The following EXD3 variants were observed in gnomAD, a reference collection of about 807,000 sequenced individuals.
EXD3 encodes the protein exonuclease mut-7 homolog.
EXD3 carries 92 observed loss-of-function variants against 98.0 expected under a neutral mutation model. The observed-to-expected ratio is 0.94, with a 90% CI of 0.79 to 1.12. The LOEUF is 1.12. Ranked by LOEUF, EXD3 falls within the 50% of genes most tolerant of loss-of-function variation. The pLI is 0.00. For missense variants in EXD3, 1,222 were observed against 1,191.6 expected, an observed-to-expected ratio of 1.03 and a Z score of -0.38; for synonymous variants, 569 against 526.0, an observed-to-expected ratio of 1.08 and a Z score of -1.12.
At position 137,348,117 on chromosome 9, in the gene EXD3, T is replaced by A; in HGVS notation, c.1952A>T (p.Asp651Val). Residue 651 changes from aspartate (D) to valine (V), a missense_variant, in exon 17 of 22, where the codon GAT becomes GTT. Transcript: ENST00000340951. The stretch of plus-strand genomic sequence containing the variant: ...TTCACCATTGCCCAGCATGCGTGCA[T>A]CCACACCGAGACAGCGGAGGCTCCG... Reference protein sequence around the residue: ...LARSLRCLGVDARMLGNGEDH... With the variant: ...LARSLRCLGVVARMLGNGEDH... 6.2e-7 allele frequency: 1 copy of A among 1,611,936 alleles called. No homozygotes were observed. The highest frequency in any genetic ancestry group is 8.5e-7 in the Non-Finnish European group (1 of 1,179,658).
intron 5 of EXD3, among the ~76,000 whole-genome samples, chr9:137,369,385 C>T (rs959783349): frequency 6.6e-6 from 1 of 152,190 alleles, no homozygotes; most frequent in African/African-American, 2.4e-5. Flanking sequence ...GGGTGCAGGG[C>T]CGGACACCTC....
intron 1 of EXD3, among the ~76,000 whole-genome samples, chr9:137,420,177 A>ACCCCAG (rs1564227709): frequency 6.6e-6 from 1 of 151,926 alleles, no homozygotes; most frequent in Non-Finnish European, 1.5e-5. Context: ...AACAAAAAAA[A>ACCCCAG]CCCCAGCAAA....
intron 7 of EXD3, among the ~76,000 whole-genome samples, chr9:137,364,838 G>A (rs190217945): frequency 7.1e-6 from 1 of 141,242 alleles, no homozygotes; most frequent in East Asian, 2.1e-4. Context: ...GTACTATCTC[G>A]GCTCACTGCA....
In EXD3 at chr9:137,420,962, G is replaced by A. The variant is rs1838487694; in HGVS notation, c.-48+2152C>T. ...CCTGAGTAGCTGGGACTACAGGTGA[G>A]CACCACTATGCCCAGGTAATTTTTA... On this transcript the variant is annotated intron_variant, in intron 1 of 21. Transcript: ENST00000340951. Among the ~76,000 whole-genome samples the A allele has an allele frequency of 2.0e-5, 3 of 152,170 alleles. No individual in the cohort carries two copies. The South Asian group carries it at 6.2e-4, about 32-fold the overall frequency.
chr9:137,344,664 G>A (rs1337703781), intron 17 of EXD3, among the ~76,000 whole-genome samples: 2 of 152,244 alleles, frequency 1.3e-5, no homozygotes, highest in Non-Finnish European at 2.9e-5. Flanking sequence ...TGGACAGGAT[G>A]AGAGTTTCCC....
chr9:137,395,240 G>A lies in EXD3; in HGVS notation c.55+63C>T. 7.2e-7 allele frequency: 1 copy of A among 1,382,076 alleles called. No homozygotes were observed. The highest frequency in any genetic ancestry group is 1.0e-6 in the Non-Finnish European group (1 of 971,262). 85.6% of individuals were successfully genotyped at this position (1,382,076 alleles called of 1,614,324 possible). A position where few individuals can be genotyped will look rare whatever the true frequency, so the allele number is the denominator to read the frequency against. ...CACAGTGGGCGCCACCACCCCCCATGCACACCCACGCACCTCCCCCCACAG... is the reference window on the plus strand; with the variant it reads ...CACAGTGGGCGCCACCACCCCCCATACACACCCACGCACCTCCCCCCACAG... On this transcript the variant is annotated intron_variant, in intron 2 of 21. Transcript: ENST00000340951. This position sits in a 1 kb window ranked among gnomAD's most constrained non-coding sequence, Gnocchi z 6.5.
At chr9:137,323,647 G>A (rs1293623444) in intron 19 of EXD3, 78 bp downstream of exon 19, 1 of 1,558,976 alleles carries the variant, frequency 6.4e-7, no homozygotes, top group Non-Finnish European at 8.7e-7. Context: ...TGTCTAGGGT[G>A]GGGCCCACCT....
intron 3 of EXD3, among the ~76,000 whole-genome samples, chr9:137,382,149 CGGGGAGGAG>C (rs1836337464): frequency 8.1e-4 from 54 of 66,846 alleles, no homozygotes; most frequent in African/African-American, 1.6e-3. Flanking sequence ...GGTGAGGGCG[CGGGGAGGAG>C]GTGGGAGCAT....
chr9:137,374,707 C>A, intron 3 of EXD3: 1 of 985,510 alleles, frequency 1.0e-6, no homozygotes, highest in Non-Finnish European at 1.2e-6. Context: ...CCAAAGGATG[C>A]CCCTCGGGGA....
chr9:137,346,390 G>A (rs2119202029), intron 17 of EXD3, among the ~76,000 whole-genome samples: 1 of 151,892 alleles, frequency 6.6e-6, no homozygotes. Flanking sequence ...CCCTCTCCAT[G>A]AAGAATAAAT....
At chr9:137,412,812 C>T (rs1838060251) in intron 1 of EXD3, among the ~76,000 whole-genome samples, 1 of 152,232 alleles carries the variant, frequency 6.6e-6, no homozygotes, top group Non-Finnish European at 1.5e-5. Context: ...CAGGGTCTCA[C>T]TGTCGCCCAG....
chr9:137,315,689 G>GA (rs1421906773), intron 19 of EXD3, among the ~76,000 whole-genome samples: 2 of 152,056 alleles, frequency 1.3e-5, no homozygotes, highest in Non-Finnish European at 2.9e-5. Flanking sequence ...TTTTTTATAT[G>GA]AAAAAATGAC....
intron 7 of EXD3, among the ~76,000 whole-genome samples, chr9:137,363,864 T>G (rs917363586): frequency 1.3e-4 from 20 of 152,176 alleles, no homozygotes; most frequent in Admixed American, 6.5e-4. Context: ...TTGCATTAAG[T>G]TGCAAACAAT....
rs562545117 is a variant in EXD3 at position 137,395,477 on chromosome 9, C to T, written c.-47-73G>A. On this transcript the variant is annotated intron_variant, in intron 1 of 21. Transcript: ENST00000340951. This position sits in a 1 kb window ranked among gnomAD's most constrained non-coding sequence, Gnocchi z 6.5. ...AGCCATGCAGAGCCCACGCCCACAG[C>T]CCCTGGAGGTGGTGGAGGGAGCTGG... 46 of 1,437,730 alleles carry T rather than the reference C, an allele frequency of 3.2e-5. No individual in the cohort carries two copies. Among genetic ancestry groups the T allele is most frequent in the Admixed American group, 5.9e-5 (3 of 51,270 alleles). 89.1% of individuals were successfully genotyped at this position (1,437,730 alleles called of 1,614,324 possible).
At chr9:137,382,261 C>A (rs555333281) in intron 3 of EXD3, among the ~76,000 whole-genome samples, 1 of 151,758 alleles carries the variant, frequency 6.6e-6, no homozygotes, top group African/African-American at 2.4e-5. Flanking sequence ...TGGCTGTCAG[C>A]GGAGCCCGGA....
chr9:137,375,299 G>A (rs997385750), intron 3 of EXD3, among the ~76,000 whole-genome samples: 4 of 151,970 alleles, frequency 2.6e-5, no homozygotes, highest in East Asian at 2.0e-4. Context: ...GAGCCACCGC[G>A]CCCGGCCCTA....
chr9:137,329,259 C>T (rs1217625764), intron 17 of EXD3, among the ~76,000 whole-genome samples: 1 of 16,968 alleles, frequency 5.9e-5, no homozygotes, highest in Admixed American at 6.2e-4. Context: ...CTACACGGGG[C>T]TACACGGGGC....
chr9:137,314,887 C>T (rs961618829), intron 19 of EXD3, among the ~76,000 whole-genome samples: 7 of 152,194 alleles, frequency 4.6e-5, no homozygotes, highest in African/African-American at 1.7e-4. Flanking sequence ...GGCACACGTG[C>T]GCAACAGCCA....
intron 1 of EXD3, among the ~76,000 whole-genome samples, chr9:137,409,612 G>A (rs1270900154): frequency 6.6e-6 from 1 of 150,992 alleles, no homozygotes; most frequent in Non-Finnish European, 1.5e-5. Context: ...AGGGAGCTGT[G>A]TCTACAAAGC....
Sources: allele counts gnomAD v4.1 joint callset (sites outside exome capture counted in the v4.1 genomes callset), GRCh38; gene constraint gnomAD v4.1.1; non-coding constraint Gnocchi (gnomAD v3.1); transcripts MANE v1.5; gene names NCBI Gene and HGNC (gene_info 2026-07-23, HGNC 2026-07-21).